The following PCDH9 variants were observed in gnomAD, a reference collection of about 807,000 sequenced individuals.
PCDH9 encodes protocadherin-9.
Under a neutral mutation model 70.6 loss-of-function variants are expected in PCDH9, and 24 were observed. The ratio of observed to expected loss-of-function variants is 0.34; its 90% CI spans 0.25 to 0.48. The LOEUF is 0.48. PCDH9 is among the 20% of genes least tolerant of loss of function. The probability of loss-of-function intolerance (pLI) is 0.99; values close to 1 mark genes in which losing one functional copy is unlikely to be tolerated. For synonymous variants in PCDH9, 562 were observed against 558.5 expected (o/e 1.01, Z -0.09); for missense variants, 1,281 against 1,503.6 (o/e 0.85, Z 2.45).
At chr13:67,128,948 T>G in intron 2 of PCDH9, among the ~76,000 whole-genome samples, 1 of 152,178 alleles carries the variant, frequency 6.6e-6, no homozygotes, top group East Asian at 1.9e-4. Flanking sequence ...TGGGTCTATT[T>G]AATCATTTTG....
At chr13:66,334,142 A>G (rs1955990065) in intron 4 of PCDH9, among the ~76,000 whole-genome samples, 1 of 152,030 alleles carries the variant, frequency 6.6e-6, no homozygotes, top group Non-Finnish European at 1.5e-5. Context: ...TATTTCTTCT[A>G]TCAAACTGTG....
chr13:66,569,217 C>T (rs1241126863), intron 4 of PCDH9, among the ~76,000 whole-genome samples: 1 of 123,882 alleles, frequency 8.1e-6, no homozygotes, highest in Non-Finnish European at 1.9e-5. Context: ...GGGGTTTCAC[C>T]ATGTTGGCCA....
chr13:66,666,427 G>T (rs1431592778), intron 3 of PCDH9, among the ~76,000 whole-genome samples: 4 of 149,694 alleles, frequency 2.7e-5, no homozygotes, highest in African/African-American at 9.8e-5. Flanking sequence ...GATGTTCTGT[G>T]TTTTTTTTTT....
chr13:67,051,839 T>A (rs923640416), intron 2 of PCDH9, among the ~76,000 whole-genome samples: 1 of 152,176 alleles, frequency 6.6e-6, no homozygotes, highest in Non-Finnish European at 1.5e-5. Context: ...CTTTGGAAGA[T>A]GTAATGAATA....
chr13:66,377,991 C>T (rs569494777), intron 4 of PCDH9, among the ~76,000 whole-genome samples: 1 of 152,094 alleles, frequency 6.6e-6, no homozygotes, highest in East Asian at 1.9e-4. Flanking sequence ...CAAGCTGATC[C>T]TAAATGTATC....
intron 4 of PCDH9, among the ~76,000 whole-genome samples, chr13:66,444,008 T>C (rs1049936195): frequency 6.6e-5 from 10 of 152,176 alleles, no homozygotes; most frequent in Non-Finnish European, 1.3e-4. Flanking sequence ...CAGAAATTAT[T>C]TTCCCCCTCT....
intron 2 of PCDH9, among the ~76,000 whole-genome samples, chr13:67,041,378 G>A (rs1001423026): frequency 5.9e-5 from 9 of 152,128 alleles, no homozygotes; most frequent in Non-Finnish European, 8.8e-5. Context: ...CATAAGTAAT[G>A]AAATTCTAAA....
At chr13:66,431,213 G>T (rs1489837778) in intron 4 of PCDH9, among the ~76,000 whole-genome samples, 3 of 151,932 alleles carry the variant, frequency 2.0e-5, no homozygotes, top group Non-Finnish European at 4.4e-5. Context: ...GTTTATTTTT[G>T]ATTCAATAAT....
chr13:66,776,188 A>T (rs552759882), intron 3 of PCDH9, among the ~76,000 whole-genome samples: 1 of 151,796 alleles, frequency 6.6e-6, no homozygotes, highest in African/African-American at 2.4e-5. Flanking sequence ...AATGGTCAAA[A>T]ACTGGAAGCA....
chr13:66,824,749 CAT>C (rs2080787902), intron 3 of PCDH9, among the ~76,000 whole-genome samples: 1 of 146,622 alleles, frequency 6.8e-6, no homozygotes, highest in African/African-American at 2.5e-5. Context: ...TACACACACA[CAT>C]ACATATAAGT....
At chr13:66,658,473 C>T (rs2077962236) in intron 3 of PCDH9, among the ~76,000 whole-genome samples, 1 of 151,842 alleles carries the variant, frequency 6.6e-6, no homozygotes, top group African/African-American at 2.4e-5. Flanking sequence ...TTTTTATGTC[C>T]TTCCTCAAAA....
At chr13:67,148,771 T>G (rs1237458296) in intron 2 of PCDH9, among the ~76,000 whole-genome samples, 1 of 152,238 alleles carries the variant, frequency 6.6e-6, no homozygotes, top group Admixed American at 6.5e-5. Context: ...TGTTTCATAT[T>G]CTTAAAGGTT....
At chr13:66,604,021 T>C (rs898277192) in intron 4 of PCDH9, among the ~76,000 whole-genome samples, 3 of 152,046 alleles carry the variant, frequency 2.0e-5, no homozygotes, top group Non-Finnish European at 4.4e-5. Flanking sequence ...GACTTCTCTT[T>C]ATACAAGTAA....
chr13:66,622,736 T>A (rs2077442148), intron 4 of PCDH9, among the ~76,000 whole-genome samples: 1 of 152,066 alleles, frequency 6.6e-6, no homozygotes, highest in East Asian at 1.9e-4. Context: ...AGGATGTGGG[T>A]GGGGCCAGAT....
chr13:66,863,596 T>G (rs1054530211), intron 3 of PCDH9, among the ~76,000 whole-genome samples: 1 of 151,922 alleles, frequency 6.6e-6, no homozygotes, highest in Non-Finnish European at 1.5e-5. Flanking sequence ...CGCCATTCTC[T>G]TGCCTCAGCC....
chr13:67,114,470 T>C (rs775720561), intron 2 of PCDH9, among the ~76,000 whole-genome samples: 1 of 152,206 alleles, frequency 6.6e-6, no homozygotes, highest in Non-Finnish European at 1.5e-5. Flanking sequence ...CATCTGCCAG[T>C]TTATATAGTT....
intron 3 of PCDH9, among the ~76,000 whole-genome samples, chr13:66,835,459 C>T (rs574204467): frequency 6.6e-6 from 1 of 152,286 alleles, no homozygotes; most frequent in South Asian, 2.1e-4. Flanking sequence ...ACAGCAAAGT[C>T]ACGACATTTG....
intron 2 of PCDH9, among the ~76,000 whole-genome samples, chr13:66,916,703 C>T (rs1405001519): frequency 6.6e-6 from 1 of 151,478 alleles, no homozygotes; most frequent in Non-Finnish European, 1.5e-5. Flanking sequence ...ACTTTACCAA[C>T]CTGTACTTTG....
At chr13:66,689,617 A>C (rs923411306) in intron 3 of PCDH9, among the ~76,000 whole-genome samples, 1 of 152,152 alleles carries the variant, frequency 6.6e-6, no homozygotes, top group Non-Finnish European at 1.5e-5. Context: ...CCTCTCTCCC[A>C]ATGAATTTCC....
Sources: gnomAD v4.1 joint callset for allele counts (sites outside exome capture counted in the v4.1 genomes callset) on GRCh38, gnomAD v4.1.1 for gene constraint, MANE v1.5 for transcripts, NCBI Gene and HGNC (gene_info 2026-07-23, HGNC 2026-07-21) for gene names.